The following UBR1 variants were observed in gnomAD, a reference collection of about 807,000 sequenced individuals.
UBR1 encodes the protein E3 ubiquitin-protein ligase UBR1.
UBR1 carries 102 observed loss-of-function variants against 242.1 expected under a neutral mutation model. That is an observed-to-expected ratio of 0.42 (90% confidence interval 0.36 to 0.50). The LOEUF is 0.50. UBR1 is among the 20% of genes least tolerant of loss of function. The pLI is 0.01. For missense variants in UBR1, 1,772 were observed against 2,101.8 expected, an observed-to-expected ratio of 0.84 and a Z score of 3.07; for synonymous variants, 675 against 684.8, an observed-to-expected ratio of 0.99 and a Z score of 0.22.
Position 43,030,510 on chromosome 15 carries a change from AAAG to A in UBR1, c.2255-445_2255-443del, listed in dbSNP as rs1310735910. On this transcript the variant is annotated intron_variant, in intron 20 of 46. Transcript: ENST00000290650. ...ATTTTGTCTCTACTTGTTATTTAAC[AAAG>A]AACAAAGTGAAAACTGAAAAACACA... is the stretch of plus-strand genomic sequence containing the variant. 9.2e-5 allele frequency among the ~76,000 whole-genome samples: 14 copies of A among 152,330 alleles called. 1 individual carries two copies. The Middle Eastern group carries it at 0.017, about 185-fold the overall frequency.
chr15:43,091,140 G>A (rs1359938336), intron 1 of UBR1, among the ~76,000 whole-genome samples: 3 of 152,114 alleles, frequency 2.0e-5, no homozygotes, highest in African/African-American at 7.2e-5. Context: ...GTTTTTCCAT[G>A]TTGGTGAGGC....
At chr15:43,049,025 T>G (rs1356612936) in intron 12 of UBR1, among the ~76,000 whole-genome samples, 8 of 152,248 alleles carry the variant, frequency 5.3e-5, no homozygotes, top group Non-Finnish European at 1.0e-4. Context: ...TTAATATTTC[T>G]TTTGGCTGTA....
At chr15:42,995,054 A>G (rs1024170666) in intron 33 of UBR1, among the ~76,000 whole-genome samples, 29 of 152,170 alleles carry the variant, frequency 1.9e-4, no homozygotes, top group African/African-American at 6.8e-4. Flanking sequence ...AAATTAGTGA[A>G]TATGTTTAAA....
intron 27 of UBR1, among the ~76,000 whole-genome samples, chr15:43,019,963 C>T (rs778091571): frequency 4.0e-5 from 6 of 151,738 alleles, no homozygotes; most frequent in Non-Finnish European, 5.9e-5. Flanking sequence ...CTCTCTCTCC[C>T]CTGCTTATTT....
chr15:43,074,240 A>AT (rs1407975224), intron 4 of UBR1, among the ~76,000 whole-genome samples: 1 of 152,000 alleles, frequency 6.6e-6, no homozygotes, highest in African/African-American at 2.4e-5. Context: ...CTCATTTCTA[A>AT]TTGTCTATAT....
intron 27 of UBR1, among the ~76,000 whole-genome samples, chr15:43,018,915 T>A (rs909645024): frequency 1.3e-5 from 2 of 152,230 alleles, no homozygotes; most frequent in African/African-American, 2.4e-5. Flanking sequence ...CTATGGGATA[T>A]GAATGCTGAA....
At chr15:43,098,586 AC>A (rs1423267881) in intron 1 of UBR1, among the ~76,000 whole-genome samples, 1 of 152,140 alleles carries the variant, frequency 6.6e-6, no homozygotes, top group Non-Finnish European at 1.5e-5. Flanking sequence ...GAGGACAAAA[AC>A]CTTTTCATTT....
At chr15:43,029,842 T>A in intron 21 of UBR1, 102 bp downstream of exon 21, 5 of 1,355,480 alleles carry the variant, frequency 3.7e-6, no homozygotes, top group Non-Finnish European at 3.1e-6. Flanking sequence ...GGTAATGATA[T>A]AGGACTTTTT....
intron 3 of UBR1, among the ~76,000 whole-genome samples, chr15:43,077,725 A>T (rs1317710706): frequency 1.3e-5 from 2 of 151,954 alleles, no homozygotes; most frequent in East Asian, 3.8e-4. Context: ...CATAGTACTT[A>T]AGAAATGTAT....
intron 3 of UBR1, among the ~76,000 whole-genome samples, chr15:43,075,345 ACT>A (rs1008337387): frequency 6.6e-6 from 1 of 152,210 alleles, no homozygotes; most frequent in African/African-American, 2.4e-5. Flanking sequence ...TTGAAACATA[ACT>A]CTAATTTTTA....
chr15:42,960,707 T>C lies in UBR1; in HGVS notation c.4701-6A>G. ...AGGCAGGATCTGCACACCACCTGTA[T>C]GTGGAGCCAAGAGAAAAGACAAATG... On this transcript the variant is annotated splice_region_variant and splice_polypyrimidine_tract_variant and intron_variant, in intron 42 of 46. Coordinates refer to ENST00000290650, the MANE Select transcript of UBR1 (RefSeq NM_174916.3). 6.2e-7 allele frequency: 1 copy of C among 1,613,818 alleles called. No individual in the cohort carries two copies. The highest frequency in any genetic ancestry group is 8.5e-7 in the Non-Finnish European group (1 of 1,179,776).
At chr15:43,000,929 G>A (rs1157765215) in intron 32 of UBR1, among the ~76,000 whole-genome samples, 1 of 152,144 alleles carries the variant, frequency 6.6e-6, no homozygotes, top group East Asian at 1.9e-4. Flanking sequence ...CACCTCCCGG[G>A]TTCAAGCAAT....
intron 6 of UBR1, among the ~76,000 whole-genome samples, chr15:43,064,686 C>T (rs905274410): frequency 6.6e-6 from 1 of 151,842 alleles, no homozygotes; most frequent in Non-Finnish European, 1.5e-5. Flanking sequence ...AAACAATTCT[C>T]CTGCCTCAGC....
chr15:43,102,886 G>A (rs1000144629), intron 1 of UBR1, among the ~76,000 whole-genome samples: 10 of 152,018 alleles, frequency 6.6e-5, no homozygotes, highest in African/African-American at 1.7e-4. Context: ...GATCTTATCC[G>A]GGCTGGGCGT....
At chr15:43,055,535 C>T (rs2141333744) in intron 11 of UBR1, among the ~76,000 whole-genome samples, 1 of 152,252 alleles carries the variant, frequency 6.6e-6, no homozygotes, top group Non-Finnish European at 1.5e-5. Flanking sequence ...CCTCCTTACC[C>T]CAATCTAAAC....
chr15:43,017,551 G>A (rs1292866835), intron 27 of UBR1, among the ~76,000 whole-genome samples: 2 of 151,986 alleles, frequency 1.3e-5, no homozygotes, highest in Admixed American at 6.6e-5. Flanking sequence ...GGCGGAGGCG[G>A]GTAATCTCAG....
At chr15:43,022,554 GA>G (rs1420642521) in intron 26 of UBR1, 147 bp downstream of exon 26, 9 of 500,940 alleles carry the variant, frequency 1.8e-5, no homozygotes, top group Non-Finnish European at 2.8e-5. Context: ...AGAATGCTAG[GA>G]AAAAAATTAT....
chr15:42,960,540 G>A, intron 43 of UBR1, 105 bp downstream of exon 43: 2 of 1,129,406 alleles, frequency 1.8e-6, no homozygotes, highest in Middle Eastern at 2.1e-4. Flanking sequence ...ACACTGTACT[G>A]AGTGAGAATG....
intron 29 of UBR1, among the ~76,000 whole-genome samples, chr15:43,013,805 G>A (rs1173915359): frequency 6.6e-6 from 1 of 152,124 alleles, no homozygotes; most frequent in Non-Finnish European, 1.5e-5. Flanking sequence ...TTTTGGAAAA[G>A]CAAAATTTAA....
Sources: allele counts gnomAD v4.1 joint callset (sites outside exome capture counted in the v4.1 genomes callset), GRCh38; gene constraint gnomAD v4.1.1; transcripts MANE v1.5; gene names NCBI Gene and HGNC (gene_info 2026-07-23, HGNC 2026-07-21).